FANCL: variants seen among roughly 807,000 people sequenced by gnomAD.
FANCL encodes E3 ubiquitin-protein ligase FANCL.
Under a neutral mutation model 59.4 loss-of-function variants are expected in FANCL, and 69 were observed. That is an observed-to-expected ratio of 1.16 (90% CI 0.96 to 1.42). FANCL has a LOEUF of 1.42. Ranked by LOEUF, FANCL falls within the 40% of genes most tolerant of loss-of-function variation. The pLI, the probability that FANCL is intolerant of heterozygous loss-of-function variation, is 0.00. For synonymous variants in FANCL, 180 were observed against 147.1 expected (o/e 1.22, Z -1.62); for missense variants, 519 against 447.2 (o/e 1.16, Z -1.45).
At chr2:58,223,312 G>C (rs1692666775) in intron 4 of FANCL, among the ~76,000 whole-genome samples, 1 of 151,846 alleles carries the variant, frequency 6.6e-6, no homozygotes, top group Non-Finnish European at 1.5e-5. Flanking sequence ...TTCGTATTTA[G>C]GTTGTGCACC....
intron 7 of FANCL, among the ~76,000 whole-genome samples, chr2:58,177,006 T>C: frequency 6.6e-6 from 1 of 152,178 alleles, no homozygotes; most frequent in Non-Finnish European, 1.5e-5. Flanking sequence ...AAGACATTTA[T>C]GCAGCCAAGA....
In FANCL at chr2:58,183,328, GA is replaced by G. The variant is rs535993193; in HGVS notation, c.540+15265del. On this transcript the variant is annotated intron_variant, in intron 7 of 13. Coordinates refer to ENST00000233741, the MANE Select transcript of FANCL (RefSeq NM_018062.4). ...CAGAGCTTCAGAGTTACAGGATGGTGAAAAAAAAATTAAGTATATGGGTGTA... is the reference window on the plus strand; with the variant it reads ...CAGAGCTTCAGAGTTACAGGATGGTGAAAAAAAATTAAGTATATGGGTGTA... Among the ~76,000 whole-genome samples, 58 of 150,958 alleles carry G rather than the reference GA, an allele frequency of 3.8e-4. 1 individual carries two copies. In the East Asian group the frequency reaches 0.011, roughly 29 times the overall value.
intron 7 of FANCL, among the ~76,000 whole-genome samples, chr2:58,180,655 A>G (rs1687845535): frequency 6.6e-6 from 1 of 152,142 alleles, no homozygotes; most frequent in Non-Finnish European, 1.5e-5. Context: ...GTGTATACCT[A>G]TGTAACAAAC....
chr2:58,160,048 C>A, intron 13 of FANCL, 60 bp downstream of exon 13: 1 of 1,606,154 alleles, frequency 6.2e-7, no homozygotes, highest in South Asian at 1.1e-5. Context: ...GATCTATCTT[C>A]TAGAACATAT....
intron 5 of FANCL, among the ~76,000 whole-genome samples, chr2:58,216,051 G>C (rs779188725): frequency 6.6e-6 from 1 of 152,154 alleles, no homozygotes; most frequent in South Asian, 2.1e-4. Context: ...AAAAGTGATA[G>C]AGCTTTGTCA....
At chr2:58,180,084 G>A (rs1223453176) in intron 7 of FANCL, among the ~76,000 whole-genome samples, 3 of 152,174 alleles carry the variant, frequency 2.0e-5, no homozygotes, top group African/African-American at 2.4e-5. Flanking sequence ...AGATGCTGAA[G>A]AGGATGTGGA....
At chr2:58,206,693 G>A (rs377535042) in intron 5 of FANCL, among the ~76,000 whole-genome samples, 31 of 152,250 alleles carry the variant, frequency 2.0e-4, no homozygotes, top group Admixed American at 6.5e-4. Context: ...ATACACTACA[G>A]AAAAAGTGCC....
At chr2:58,175,818 A>G (rs1486676077) in intron 7 of FANCL, among the ~76,000 whole-genome samples, 1 of 151,834 alleles carries the variant, frequency 6.6e-6, no homozygotes, top group East Asian at 1.9e-4. Context: ...AAGGGTATTC[A>G]ATTAGGAAAA....
intron 5 of FANCL, among the ~76,000 whole-genome samples, chr2:58,205,586 A>C (rs1220842259): frequency 6.6e-6 from 1 of 152,070 alleles, no homozygotes; most frequent in Non-Finnish European, 1.5e-5. Flanking sequence ...TTCCAGAAAA[A>C]TTAATCATTT....
At chr2:58,216,965 A>T (rs1691783940) in intron 5 of FANCL, among the ~76,000 whole-genome samples, 1 of 151,036 alleles carries the variant, frequency 6.6e-6, no homozygotes, top group African/African-American at 2.4e-5. Context: ...CTTTTTAAAT[A>T]TTTTTAAAAA....
intron 7 of FANCL, among the ~76,000 whole-genome samples, chr2:58,176,040 G>C (rs1352033149): frequency 1.3e-5 from 2 of 152,054 alleles, no homozygotes; most frequent in South Asian, 2.1e-4. Flanking sequence ...TTGCTTCAAA[G>C]AGAACAAAAT....
intron 12 of FANCL, 22 bp downstream of exon 12, chr2:58,161,498 CTT>C: frequency 7.0e-7 from 1 of 1,429,738 alleles, no homozygotes; most frequent in South Asian, 1.1e-5. Flanking sequence ...GGAAAAAAGT[CTT>C]GACAATATTT....
intron 5 of FANCL, among the ~76,000 whole-genome samples, chr2:58,208,596 T>C (rs1011066423): frequency 6.6e-6 from 1 of 152,190 alleles, no homozygotes; most frequent in Non-Finnish European, 1.5e-5. Context: ...GCCATCTAGA[T>C]GCATTTAAGT....
chr2:58,237,520 T>A (rs931379378), intron 1 of FANCL, among the ~76,000 whole-genome samples: 1 of 152,092 alleles, frequency 6.6e-6, no homozygotes, highest in African/African-American at 2.4e-5. Context: ...AAAGATCTCA[T>A]ATCAATAATC....
In FANCL at chr2:58,159,297, C is replaced by A. The variant is rs185709887; in HGVS notation, c.*468G>T. On this transcript the variant is annotated 3_prime_UTR_variant, in exon 14 of 14. Coordinates refer to ENST00000233741, the MANE Select transcript of FANCL (RefSeq NM_018062.4). ...TCTTACACACTACACAAAATAAATA[C>A]TTGGATAACTCACGTCTAACAAACT... The A allele has an allele frequency of 2.2e-6, 3 of 1,380,322 alleles. No individual in the cohort carries two copies. Among genetic ancestry groups the A allele is most frequent in the African/African-American group, 1.5e-5 (1 of 68,920 alleles). The allele number at this position is 1,380,322 out of a possible 1,614,324, so 85.5% of individuals were successfully genotyped here. A position where few individuals can be genotyped will look rare whatever the true frequency, so the allele number is the denominator to read the frequency against.
Position 58,163,498 on chromosome 2 carries a change from AT to A in FANCL, c.710del (p.Asn237IlefsTer2). 1 of 1,603,968 alleles carries A rather than the reference AT, an allele frequency of 6.2e-7. No individual in the cohort carries two copies. Among genetic ancestry groups the A allele is most frequent in the Non-Finnish European group, 8.5e-7 (1 of 1,171,072 alleles). Reference sequence around the variant, plus strand: ...TAGGATGCCTGGGGTCTACCTCTATATTTATGGAAACATTATTACCTAGAAT... The same window carrying A: ...TAGGATGCCTGGGGTCTACCTCTATATTATGGAAACATTATTACCTAGAAT... Reference protein sequence around the residue: ...RIALGNNVSINIEVDPRHPTM... With the variant: ...RIALGNNVSIXIEVDPRHPTM... On this transcript the variant is annotated frameshift_variant, in exon 9 of 14. Coordinates refer to ENST00000233741, the MANE Select transcript of FANCL (RefSeq NM_018062.4). LOFTEE classifies it high-confidence loss of function.
At chr2:58,208,077 A>G (rs1031107087) in intron 5 of FANCL, among the ~76,000 whole-genome samples, 2 of 152,144 alleles carry the variant, frequency 1.3e-5, no homozygotes, top group Non-Finnish European at 2.9e-5. Context: ...TTTTAAGTCT[A>G]TGTTAAGTTG....
chr2:58,183,629 C>T (rs201433154), intron 7 of FANCL, among the ~76,000 whole-genome samples: 9 of 151,868 alleles, frequency 5.9e-5, no homozygotes, highest in Admixed American at 3.3e-4. Flanking sequence ...TTTAAAAATC[C>T]TCTTTTATGA....
intron 7 of FANCL, chr2:58,194,197 T>C (rs1008737637): frequency 1.7e-5 from 8 of 470,860 alleles, no homozygotes; most frequent in Non-Finnish European, 3.1e-5. Flanking sequence ...GCAAGAATAC[T>C]TCACCAAGCC....
Sources: allele counts gnomAD v4.1 joint callset (sites outside exome capture counted in the v4.1 genomes callset), GRCh38; gene constraint gnomAD v4.1.1; transcripts MANE v1.5; gene names NCBI Gene and HGNC (gene_info 2026-07-23, HGNC 2026-07-21).